The following EHF variants were observed in gnomAD, a reference collection of about 807,000 sequenced individuals.
The protein encoded by EHF is ESE3 transcription factor.
EHF carries 14 observed loss-of-function variants against 45.1 expected under a neutral mutation model. The ratio of observed to expected loss-of-function variants is 0.31; its 90% CI spans 0.21 to 0.49. The LOEUF is 0.49. Among genes scored for constraint, EHF ranks in the 20% least tolerant of loss-of-function variants. EHF has a pLI of 0.99. For synonymous variants in EHF, 136 were observed against 131.8 expected (o/e 1.03, Z -0.22); for missense variants, 282 against 371.4 (o/e 0.76, Z 1.98).
At chr11:34,626,069 T>C (rs1006165612) in intron 1 of EHF, among the ~76,000 whole-genome samples, 2 of 152,252 alleles carry the variant, frequency 1.3e-5, no homozygotes, top group African/African-American at 4.8e-5. Context: ...CATTTTACCA[T>C]AACAACTTAT....
chr11:34,632,644 C>A (rs1407336607), intron 1 of EHF: 2 of 1,535,620 alleles, frequency 1.3e-6, no homozygotes, highest in Non-Finnish European at 1.7e-6. Flanking sequence ...AGCTGAAATT[C>A]TTTTCAAGGT....
chr11:34,634,453 T>C (rs560305518), intron 1 of EHF, among the ~76,000 whole-genome samples: 1 of 152,288 alleles, frequency 6.6e-6, no homozygotes, highest in African/African-American at 2.4e-5. Flanking sequence ...TGTGGTTGGA[T>C]GAATAAGGGA....
intron 1 of EHF, among the ~76,000 whole-genome samples, chr11:34,621,855 C>T (rs1852008462): frequency 6.6e-6 from 1 of 152,176 alleles, no homozygotes; most frequent in South Asian, 2.1e-4. Context: ...AAACAAAAAT[C>T]AATTTTGGCA....
intron 1 of EHF, among the ~76,000 whole-genome samples, chr11:34,635,117 G>A (rs7945550): frequency 0.6 from 91,833 of 151,958 alleles, 28,167 homozygotes; most frequent in East Asian, 0.65. Flanking sequence ...CATTTTAAGT[G>A]TTCAGTAAGT....
At chr11:34,646,774 G>T in intron 3 of EHF, 90 bp downstream of exon 3, 4 of 1,524,630 alleles carry the variant, frequency 2.6e-6, no homozygotes, top group Non-Finnish European at 3.6e-6. Context: ...CTTTGTCAGG[G>T]ACAAGAAAGA....
intron 1 of EHF, chr11:34,632,473 C>A (rs917921762): frequency 2.0e-6 from 3 of 1,518,072 alleles, no homozygotes; most frequent in African/African-American, 1.4e-5. Context: ...CAACCCACTG[C>A]TTTATTCTGC....
At chr11:34,645,916 C>T (rs1268396342) in intron 2 of EHF, among the ~76,000 whole-genome samples, 1 of 151,860 alleles carries the variant, frequency 6.6e-6, no homozygotes, top group African/African-American at 2.4e-5. Context: ...GGATATCAGT[C>T]CAGTTAGTAG....
Position 34,651,773 on chromosome 11 carries a change from T to C in EHF, c.512T>C (p.Ile171Thr). ...AGCAAAACTTTCTGCCGGGCTCAGA[T>C]CTCCATGACAACCACCAGTCACCTT... ...LDSKTFCRAQ[I>T]SMTTTSHLPV... Residue 171 changes from isoleucine to threonine, a missense_variant, in exon 6 of 9, where the codon ATC becomes ACC. Around this residue, in one of 3 missense-constraint regions of EHF, gnomAD observed 213 missense variants for 247.3 expected, o/e 0.86. Transcript: ENST00000257831. The C allele has an allele frequency of 6.2e-7, 1 of 1,614,010 alleles. No individual in the cohort carries two copies. The highest frequency in any genetic ancestry group is 8.5e-7 in the Non-Finnish European group (1 of 1,179,938).
At chr11:34,645,737 A>G (rs1854445891) in intron 2 of EHF, among the ~76,000 whole-genome samples, 1 of 152,232 alleles carries the variant, frequency 6.6e-6, no homozygotes, top group Non-Finnish European at 1.5e-5. Flanking sequence ...CTGAAAGAAC[A>G]GCATAGAGAA....
In EHF at chr11:34,636,464, A is replaced by G. The variant is rs144309932; in HGVS notation, c.-3-6164A>G. On this transcript the variant is annotated intron_variant, in intron 1 of 8. Transcript: ENST00000257831. ...CAGTGCCAGCCAACACAGTTTAAAC[A>G]GAGACTCATGGGCAGACCCTCTAAT... Among the ~76,000 whole-genome samples, 789 of 152,370 alleles carry G rather than the reference A, an allele frequency of 5.2e-3. 9 individuals are homozygous for G. The highest frequency in any genetic ancestry group is 0.018 in the African/African-American group (761 of 41,586).
chr11:34,658,887 A>C lies in EHF; in HGVS notation c.859A>C (p.Lys287Gln). ...TGTGGATGGACGAAGACTGGTATATAAATTTGGGAAGAATGCCCGAGGATG... is the reference window on the plus strand; with the variant it reads ...TGTGGATGGACGAAGACTGGTATATCAATTTGGGAAGAATGCCCGAGGATG... Reference protein sequence around the residue: ...ERVDGRRLVYKFGKNARGWRE... With the variant: ...ERVDGRRLVYQFGKNARGWRE... Residue 287 changes from lysine to glutamine, a missense_variant, in exon 9 of 9, where the codon AAA (lysine) becomes CAA (glutamine). Around this residue, in one of 3 missense-constraint regions of EHF, gnomAD observed 28 missense variants for 37.1 expected, o/e 0.76. Transcript: ENST00000257831. The C allele has an allele frequency of 6.2e-7, 1 of 1,613,498 alleles. No individual in the cohort carries two copies. Among genetic ancestry groups the C allele is most frequent in the Non-Finnish European group, 8.5e-7 (1 of 1,179,692 alleles).
intron 7 of EHF, among the ~76,000 whole-genome samples, chr11:34,657,906 G>C (rs1291806535): frequency 1.3e-5 from 2 of 152,094 alleles, no homozygotes; most frequent in East Asian, 3.9e-4. Flanking sequence ...TGGGTGGGGT[G>C]GGGGTGGGGC....
chr11:34,635,439 G>A (rs975646501), intron 1 of EHF, among the ~76,000 whole-genome samples: 8 of 132,534 alleles, frequency 6.0e-5, no homozygotes, highest in African/African-American at 2.2e-4. Flanking sequence ...GCCCCAATCC[G>A]AAACCTTATT....
Position 34,658,704 on chromosome 11 carries a change from A to G in EHF, c.779A>G (p.Tyr260Cys). The G allele has an allele frequency of 1.9e-6, 3 of 1,613,638 alleles. No homozygotes were observed. Among genetic ancestry groups the G allele is most frequent in the Non-Finnish European group, 2.5e-6 (3 of 1,179,750 alleles). Residue 260 changes from tyrosine (Y) to cysteine (C), a missense_variant, in exon 8 of 9, where the codon TAT (tyrosine) becomes TGT (cysteine). Transcript: ENST00000257831. Reference protein sequence around the residue: ...GKKKNNSSMTYEKLSRAMRYY... With the variant: ...GKKKNNSSMTCEKLSRAMRYY... Reference sequence around the variant, plus strand: ...AAGAAGAACAACAGCAGCATGACCTATGAAAAGCTCAGCCGAGCTATGAGG... The same window carrying G: ...AAGAAGAACAACAGCAGCATGACCTGTGAAAAGCTCAGCCGAGCTATGAGG...
intron 1 of EHF, among the ~76,000 whole-genome samples, chr11:34,632,086 C>G (rs971840032): frequency 2.0e-5 from 3 of 152,186 alleles, no homozygotes; most frequent in African/African-American, 7.2e-5. Context: ...GAAAATGTAG[C>G]ATCCAAACTG....
intron 7 of EHF, 135 bp downstream of exon 7, chr11:34,657,105 A>G: frequency 9.6e-7 from 1 of 1,040,574 alleles, no homozygotes; most frequent in South Asian, 1.6e-5. Flanking sequence ...GTGGAGTGAG[A>G]AAATAGAGGC....
In EHF at chr11:34,660,403, C is replaced by T. The variant is rs146167382; in HGVS notation, c.*1472C>T. 5.0e-4 allele frequency: 76 copies of T among 152,024 alleles called. No homozygotes were observed. The highest frequency in any genetic ancestry group is 1.3e-3 in the African/African-American group (56 of 41,502). The allele number at this position is 152,024 out of a possible 1,614,324, so 9.4% of individuals were successfully genotyped here. A position where few individuals can be genotyped will look rare whatever the true frequency, so the allele number is the denominator to read the frequency against. On this transcript the variant is annotated 3_prime_UTR_variant, in exon 9 of 9. Coordinates refer to ENST00000257831, the MANE Select transcript of EHF (RefSeq NM_012153.6). ...CTCATCTGAACTGATCCCAGGTGAA[C>T]GGTTTATTGCCTAGATTTGTACTCA... is the stretch of plus-strand genomic sequence containing the variant.
chr11:34,658,953 A>T lies in EHF; in HGVS notation c.*22A>T. 6.4e-7 allele frequency: 1 copy of T among 1,555,296 alleles called. No individual in the cohort carries two copies. Among genetic ancestry groups the T allele is most frequent in the Non-Finnish European group, 8.8e-7 (1 of 1,135,362 alleles). ...CTGAAGCTGCCAATACTTTGGACACAAACCAAAACACACACCAAATAATCA... is the reference window on the plus strand; with the variant it reads ...CTGAAGCTGCCAATACTTTGGACACTAACCAAAACACACACCAAATAATCA... On this transcript the variant is annotated 3_prime_UTR_variant, in exon 9 of 9. Coordinates refer to ENST00000257831, the MANE Select transcript of EHF (RefSeq NM_012153.6).
At chr11:34,644,972 T>C in intron 2 of EHF, among the ~76,000 whole-genome samples, 1 of 152,254 alleles carries the variant, frequency 6.6e-6, no homozygotes, top group Admixed American at 6.5e-5. Context: ...CTACATTTTC[T>C]TCTACTGGTC....
Sources: gnomAD v4.1 joint callset for allele counts (sites outside exome capture counted in the v4.1 genomes callset) on GRCh38, gnomAD v4.1.1 for gene constraint, gnomAD v4.1.1 regional missense constraint, MANE v1.5 for transcripts, NCBI Gene and HGNC (gene_info 2026-07-23, HGNC 2026-07-21) for gene names.